Variants in TTLL1 observed in about 807,000 individuals in gnomAD.
TTLL1 encodes TTL family tubulin polyglutamylase complex subunit L1.
Under a neutral mutation model 47.8 loss-of-function variants are expected in TTLL1, and 33 were observed. That is an observed-to-expected ratio of 0.69 (90% CI 0.52 to 0.92). TTLL1 has a LOEUF of 0.92. Among genes scored for constraint, TTLL1 ranks in the 40% least tolerant of loss-of-function variants. The probability of loss-of-function intolerance (pLI) is 0.00; values close to 1 mark genes in which losing one functional copy is unlikely to be tolerated. For missense variants in TTLL1, 488 were observed against 547.5 expected (o/e 0.89, Z 1.08); for synonymous variants, 225 against 214.1 (o/e 1.05, Z -0.45).
At chr22:43,058,406 C>G (rs964537436) in intron 8 of TTLL1, among the ~76,000 whole-genome samples, 1 of 152,190 alleles carries the variant, frequency 6.6e-6, no homozygotes, top group Non-Finnish European at 1.5e-5. Context: ...AAAAGAGGCA[C>G]GCCATTTCCA....
chr22:43,086,005 CG>C (rs1434371256), intron 1 of TTLL1, among the ~76,000 whole-genome samples: 1 of 152,198 alleles, frequency 6.6e-6, no homozygotes, highest in East Asian at 1.9e-4. Flanking sequence ...AGTGATCCAC[CG>C]GGCCACGCCC....
intron 1 of TTLL1, among the ~76,000 whole-genome samples, chr22:43,088,245 G>A (rs974207826): frequency 3.4e-5 from 5 of 149,074 alleles, no homozygotes; most frequent in Admixed American, 6.7e-5. Flanking sequence ...CCATCTCCAC[G>A]CCCGCACTGG....
intron 5 of TTLL1, among the ~76,000 whole-genome samples, chr22:43,066,272 G>A (rs1927729637): frequency 6.6e-6 from 1 of 152,080 alleles, no homozygotes. Context: ...ACTGTGAGGG[G>A]CTGGGTCATC....
At chr22:43,085,359 C>T (rs1929164649) in intron 1 of TTLL1, among the ~76,000 whole-genome samples, 2 of 152,168 alleles carry the variant, frequency 1.3e-5, no homozygotes, top group East Asian at 1.9e-4. Flanking sequence ...TGTATATTAT[C>T]GTCTCATGTG....
At chr22:43,046,378 A>G (rs762195263) in intron 10 of TTLL1, 32 bp downstream of exon 10, 1 of 1,608,640 alleles carries the variant, frequency 6.2e-7, no homozygotes, top group Non-Finnish European at 8.5e-7. Context: ...GGAAACACAG[A>G]AGGACAAGCG....
chr22:43,072,849 G>C (rs1030837856), intron 3 of TTLL1, among the ~76,000 whole-genome samples: 1 of 152,144 alleles, frequency 6.6e-6, no homozygotes, highest in African/African-American at 2.4e-5. Flanking sequence ...CTCGCAAGGT[G>C]CTGGGATTAC....
intron 1 of TTLL1, among the ~76,000 whole-genome samples, chr22:43,087,754 C>T (rs1482357541): frequency 6.8e-6 from 1 of 147,576 alleles, no homozygotes; most frequent in Non-Finnish European, 1.5e-5. Flanking sequence ...GGGAGGATTG[C>T]TTGAACCCGG....
rs1179723340 is a variant in TTLL1 at position 43,075,456 on chromosome 22, C to G, written c.113+18G>C. 2.5e-6 allele frequency: 4 copies of G among 1,598,116 alleles called. No homozygotes were observed. Among genetic ancestry groups the G allele is most frequent in the Non-Finnish European group, 2.6e-6 (3 of 1,165,440 alleles). On this transcript the variant is annotated intron_variant, in intron 3 of 10. Transcript: ENST00000266254. ...GTAAGCCTCAGAGAAACAACCCAGC[C>G]CTGCTGTGTATGCTTACCAGTAAAA...
chr22:43,043,473 C>G (rs1601649332), intron 10 of TTLL1, among the ~76,000 whole-genome samples: 1 of 152,096 alleles, frequency 6.6e-6, no homozygotes, highest in African/African-American at 2.4e-5. Context: ...CAGGGGCCAT[C>G]AGGACCCAGC....
rs538155910 is a variant in TTLL1, at chr22:43,089,387, C to G, written c.-200G>C. The G allele has an allele frequency of 6.6e-6, 1 of 152,356 alleles. No individual in the cohort carries two copies. Among genetic ancestry groups the G allele is most frequent in the Non-Finnish European group, 1.5e-5 (1 of 68,110 alleles). 9.4% of individuals were successfully genotyped at this position (152,356 alleles called of 1,614,324 possible). A position where few individuals can be genotyped will look rare whatever the true frequency, so the allele number is the denominator to read the frequency against. On this transcript the variant is annotated 5_prime_UTR_variant, in exon 1 of 11. Transcript: ENST00000266254. Reference sequence around the variant, plus strand: ...TCCGGCGCTCGCAGGAGTACGCAGCCGACTGCCAGGCGCACCGGCCCGCCC... The same window carrying G: ...TCCGGCGCTCGCAGGAGTACGCAGCGGACTGCCAGGCGCACCGGCCCGCCC...
At chr22:43,063,022 G>T (rs942905736) in intron 7 of TTLL1, among the ~76,000 whole-genome samples, 1 of 152,082 alleles carries the variant, frequency 6.6e-6, no homozygotes, top group African/African-American at 2.4e-5. Flanking sequence ...AAACCAAACG[G>T]TTGCATGTGT....
rs57449856 is a variant in TTLL1, at chr22:43,076,080, T to C, written c.-4-490A>G. On this transcript the variant is annotated intron_variant, in intron 2 of 10. Coordinates refer to ENST00000266254, the MANE Select transcript of TTLL1 (RefSeq NM_012263.5). ...CCGACTTCCGATGGGTGAGTGGGGA[T>C]CAGCATGCCTGTCCCACATCCCTCC... Among the ~76,000 whole-genome samples the C allele has an allele frequency of 3.4e-3, 511 of 152,278 alleles. 1 individual carries two copies. Among genetic ancestry groups the C allele is most frequent in the African/African-American group, 0.011 (462 of 41,568 alleles).
intron 7 of TTLL1, among the ~76,000 whole-genome samples, chr22:43,060,854 C>T (rs78177311): frequency 5.3e-5 from 8 of 152,300 alleles, no homozygotes; most frequent in African/African-American, 1.4e-4. Flanking sequence ...ACTAACTCTT[C>T]GAGCAAACAC....
At chr22:43,080,865 G>T (rs556893495) in intron 1 of TTLL1, among the ~76,000 whole-genome samples, 4 of 143,812 alleles carry the variant, frequency 2.8e-5, no homozygotes, top group South Asian at 4.4e-4. Context: ...ACACAGGAGG[G>T]TGGGACTCTG....
At chr22:43,059,191 T>C (rs1257784293) in intron 8 of TTLL1, among the ~76,000 whole-genome samples, 193 bp downstream of exon 8, 1 of 151,794 alleles carries the variant, frequency 6.6e-6, no homozygotes, top group African/African-American at 2.4e-5. Flanking sequence ...GGTTTCACCA[T>C]GTATGTGGGC....
intron 5 of TTLL1, among the ~76,000 whole-genome samples, chr22:43,066,323 C>A (rs1190650611): frequency 6.6e-6 from 1 of 151,964 alleles, no homozygotes; most frequent in African/African-American, 2.4e-5. Flanking sequence ...GGAGGACACA[C>A]CCCCTGCCCC....
At chr22:43,084,447 C>T (rs750671015) in intron 1 of TTLL1, among the ~76,000 whole-genome samples, 4 of 151,984 alleles carry the variant, frequency 2.6e-5, no homozygotes, top group Non-Finnish European at 5.9e-5. Context: ...AGCTACTGTG[C>T]CCAGCTGACA....
At chr22:43,079,097 C>T (rs1161096170) in intron 2 of TTLL1, among the ~76,000 whole-genome samples, 2 of 124,198 alleles carry the variant, frequency 1.6e-5, no homozygotes, top group South Asian at 2.8e-4. Flanking sequence ...GTGAGTCCAT[C>T]CCACACCCCT....
At chr22:43,063,975 C>T in intron 6 of TTLL1, 54 bp from the exon 7 acceptor site, 2 of 1,572,160 alleles carry the variant, frequency 1.3e-6, no homozygotes, top group South Asian at 1.1e-5. Context: ...AAAGAAAAGA[C>T]ACCACTTCAT....
Sources: gnomAD v4.1 joint callset for allele counts (sites outside exome capture counted in the v4.1 genomes callset) on GRCh38, gnomAD v4.1.1 for gene constraint, MANE v1.5 for transcripts, NCBI Gene and HGNC (gene_info 2026-07-23, HGNC 2026-07-21) for gene names.